KCNK2: variants seen among roughly 807,000 people sequenced by gnomAD.
KCNK2 encodes the protein potassium channel subfamily K member 2.
In KCNK2, 21 loss-of-function variants were observed where a neutral mutation model predicts 40.5. The ratio of observed to expected loss-of-function variants is 0.52; its 90% confidence interval spans 0.37 to 0.75. KCNK2 has a LOEUF of 0.75. Among genes scored for constraint, KCNK2 ranks in the 30% least tolerant of loss-of-function variants. The probability of loss-of-function intolerance (pLI) is 0.00; values close to 1 mark genes in which losing one functional copy is unlikely to be tolerated. For synonymous variants in KCNK2, 191 were observed against 202.2 expected (o/e 0.94, Z 0.47); for missense variants, 399 against 531.6 (o/e 0.75, Z 2.45).
At chr1:215,184,231 T>C (rs1664337365) in intron 5 of KCNK2, among the ~76,000 whole-genome samples, 1 of 152,196 alleles carries the variant, frequency 6.6e-6, no homozygotes, top group African/African-American at 2.4e-5. Context: ...TTCTACCTCT[T>C]ATTCAAAGTG....
At chr1:215,023,798 A>C (rs1656896357) in intron 1 of KCNK2, among the ~76,000 whole-genome samples, 1 of 152,254 alleles carries the variant, frequency 6.6e-6, no homozygotes, top group African/African-American at 2.4e-5. Flanking sequence ...GAGGTGGCTC[A>C]AAGCTATGTT....
At chr1:215,094,466 T>A (rs971595838) in intron 2 of KCNK2, among the ~76,000 whole-genome samples, 1 of 152,076 alleles carries the variant, frequency 6.6e-6, no homozygotes, top group African/African-American at 2.4e-5. Flanking sequence ...CAAGAGGGAA[T>A]TGGGCTACCA....
intron 3 of KCNK2, among the ~76,000 whole-genome samples, chr1:215,142,249 G>A (rs1478034375): frequency 6.6e-6 from 1 of 151,904 alleles, no homozygotes; most frequent in Non-Finnish European, 1.5e-5. Context: ...CTCCTGTTGT[G>A]ATTTCCAAAC....
chr1:215,131,429 T>G (rs1439779900), intron 3 of KCNK2, among the ~76,000 whole-genome samples: 1 of 146,846 alleles, frequency 6.8e-6, no homozygotes, highest in African/African-American at 2.5e-5. Context: ...ATAATTATAT[T>G]ATTATGTATT....
intron 2 of KCNK2, among the ~76,000 whole-genome samples, chr1:215,088,575 GAAA>G (rs10689637): frequency 1.5e-5 from 2 of 133,888 alleles, no homozygotes; most frequent in Non-Finnish European, 1.6e-5. Flanking sequence ...GACAGGACAG[GAAA>G]AAAAAAAAAA....
At chr1:215,176,808 T>C (rs1013620192) in intron 5 of KCNK2, among the ~76,000 whole-genome samples, 1 of 152,186 alleles carries the variant, frequency 6.6e-6, no homozygotes, top group African/African-American at 2.4e-5. Flanking sequence ...TATGTGTGCA[T>C]GTATCTTTAT....
chr1:215,038,983 GA>G (rs988940316), intron 1 of KCNK2, among the ~76,000 whole-genome samples: 19 of 148,028 alleles, frequency 1.3e-4, no homozygotes, highest in Non-Finnish European at 2.5e-4. Context: ...ATTATGCTAT[GA>G]AAAAAAAAAG....
intron 1 of KCNK2, among the ~76,000 whole-genome samples, chr1:215,018,610 A>G (rs1656673437): frequency 6.6e-6 from 1 of 152,182 alleles, no homozygotes; most frequent in African/African-American, 2.4e-5. Flanking sequence ...TGAGAATGCC[A>G]CAGATAGTAT....
At chr1:215,185,756 CATAA>C (rs1385311774) in intron 5 of KCNK2, among the ~76,000 whole-genome samples, 4 of 152,156 alleles carry the variant, frequency 2.6e-5, no homozygotes, top group African/African-American at 4.8e-5. Flanking sequence ...CTATAAATCT[CATAA>C]GGAAACAAAG....
chr1:215,155,605 T>C (rs1662884665), intron 3 of KCNK2, among the ~76,000 whole-genome samples: 1 of 152,096 alleles, frequency 6.6e-6, no homozygotes, highest in Admixed American at 6.5e-5. Flanking sequence ...CTGCAACCTC[T>C]GCCTCCTGGG....
At chr1:215,053,300 G>A (rs1056971461) in intron 1 of KCNK2, among the ~76,000 whole-genome samples, 3 of 152,092 alleles carry the variant, frequency 2.0e-5, no homozygotes, top group African/African-American at 7.2e-5. Context: ...AGTGACTGAT[G>A]CATCTTCCCT....
Position 215,083,097 on chromosome 1 carries a change from G to T in KCNK2, c.-289G>T, listed in dbSNP as rs531483669. The T allele has an allele frequency of 1.0e-4, 47 of 462,188 alleles. No homozygotes were observed. Among genetic ancestry groups the T allele is most frequent in the Admixed American group, 4.4e-4 (10 of 22,538 alleles). The allele number at this position is 462,188 out of a possible 1,614,324, so 28.6% of individuals were successfully genotyped here. A position where few individuals can be genotyped will look rare whatever the true frequency, so the allele number is the denominator to read the frequency against. ...CCCGGGCCCGGCAGCAGGCGCGCGC[G>T]GGGGCGGCGGCGCCCAAGCCCAACT... On this transcript the variant is annotated 5_prime_UTR_variant, in exon 1 of 7. Coordinates refer to ENST00000444842, the MANE Select transcript of KCNK2 (RefSeq NM_001017425.3).
At chr1:215,154,428 T>G (rs7556349) in intron 3 of KCNK2, among the ~76,000 whole-genome samples, 99,588 of 144,524 alleles carry the variant, frequency 0.69, 34,536 homozygotes, top group Non-Finnish European at 0.77. Flanking sequence ...TTTTGATGGG[T>G]TTTTTTTTTT....
At chr1:215,067,531 A>AC (rs758430429) in intron 1 of KCNK2, among the ~76,000 whole-genome samples, 3 of 152,086 alleles carry the variant, frequency 2.0e-5, no homozygotes, top group Non-Finnish European at 4.4e-5. Context: ...CTCTATAAGG[A>AC]CCCTTTCCTA....
At chr1:215,042,639 C>T (rs1657608449) in intron 1 of KCNK2, among the ~76,000 whole-genome samples, 1 of 152,154 alleles carries the variant, frequency 6.6e-6, no homozygotes, top group Non-Finnish European at 1.5e-5. Context: ...AAATTTCAGT[C>T]ACTGGCACTA....
At chr1:215,134,721 AT>A (rs1346930823) in intron 3 of KCNK2, among the ~76,000 whole-genome samples, 1 of 152,074 alleles carries the variant, frequency 6.6e-6, no homozygotes, top group East Asian at 1.9e-4. Flanking sequence ...GAATCACCTC[AT>A]TAGAACAAAA....
chr1:215,106,464 A>G (rs1375591716), intron 2 of KCNK2, among the ~76,000 whole-genome samples: 3 of 151,804 alleles, frequency 2.0e-5, no homozygotes, highest in Non-Finnish European at 2.9e-5. Context: ...TAAGTTCCTT[A>G]TGAATTCTGG....
intron 3 of KCNK2, among the ~76,000 whole-genome samples, chr1:215,127,747 A>G (rs1335368893): frequency 6.6e-6 from 1 of 152,170 alleles, no homozygotes; most frequent in Non-Finnish European, 1.5e-5. Context: ...TCTTGTCTGT[A>G]TCTCCAAATG....
At chr1:215,186,241 C>A (rs1023938453) in intron 5 of KCNK2, among the ~76,000 whole-genome samples, 2 of 152,090 alleles carry the variant, frequency 1.3e-5, no homozygotes, top group African/African-American at 4.8e-5. Flanking sequence ...AGACTCTTGT[C>A]TCTACAAACA....
Sources: allele counts gnomAD v4.1 joint callset (sites outside exome capture counted in the v4.1 genomes callset), GRCh38; gene constraint gnomAD v4.1.1; transcripts MANE v1.5; gene names NCBI Gene and HGNC (gene_info 2026-07-23, HGNC 2026-07-21).